The following NPAS3 variants were observed in gnomAD, a reference collection of about 807,000 sequenced individuals.
The protein encoded by NPAS3 is neuronal PAS domain-containing protein 3.
In NPAS3, 14 loss-of-function variants were observed where a neutral mutation model predicts 73.1. That is an observed-to-expected ratio of 0.19 (90% CI 0.13 to 0.30). The LOEUF (loss-of-function observed/expected upper bound fraction) is 0.30. Among genes scored for constraint, NPAS3 ranks in the 10% least tolerant of loss-of-function variants. NPAS3 has a pLI of 1.00. For missense variants in NPAS3, 1,096 were observed against 1,250.0 expected, an observed-to-expected ratio of 0.88 and a Z score of 1.86; for synonymous variants, 620 against 541.5, an observed-to-expected ratio of 1.14 and a Z score of -2.01.
chr14:33,785,265 C>A (rs2063133796), intron 9 of NPAS3, among the ~76,000 whole-genome samples: 1 of 151,378 alleles, frequency 6.6e-6, no homozygotes, highest in African/African-American at 2.4e-5. Context: ...GAAACCCCAT[C>A]TCTACTAAAA....
At chr14:33,002,378 C>T (rs921753500) in intron 1 of NPAS3, among the ~76,000 whole-genome samples, 14 of 152,046 alleles carry the variant, frequency 9.2e-5, no homozygotes, top group Non-Finnish European at 1.3e-4. Context: ...TCATTTGATT[C>T]AAGAGGCAAT....
chr14:33,518,903 C>T (rs1460684990), intron 4 of NPAS3, among the ~76,000 whole-genome samples: 1 of 152,088 alleles, frequency 6.6e-6, no homozygotes. Context: ...TTTTCAGGGT[C>T]TAGCCAATAG....
chr14:33,696,417 G>A (rs144106007), intron 6 of NPAS3, among the ~76,000 whole-genome samples: 177 of 152,262 alleles, frequency 1.2e-3, no homozygotes, highest in African/African-American at 3.9e-3. Flanking sequence ...TATTCACATG[G>A]TTATTGGGCC....
intron 5 of NPAS3, among the ~76,000 whole-genome samples, chr14:33,572,891 C>T (rs972613341): frequency 4.1e-4 from 63 of 151,816 alleles, no homozygotes; most frequent in African/African-American, 1.5e-3. Context: ...GGTGTGGTGG[C>T]GGGTGCCTGT....
intron 2 of NPAS3, among the ~76,000 whole-genome samples, chr14:33,106,022 T>C (rs1247648046): frequency 6.6e-6 from 1 of 152,174 alleles, no homozygotes; most frequent in Non-Finnish European, 1.5e-5. Flanking sequence ...CAACCAAACA[T>C]GAATACCAGC....
chr14:33,454,959 A>G (rs1442313921), intron 4 of NPAS3, among the ~76,000 whole-genome samples: 2 of 152,144 alleles, frequency 1.3e-5, no homozygotes, highest in Non-Finnish European at 2.9e-5. Context: ...ATGGAGCTGG[A>G]GCAAGACCTG....
chr14:33,596,033 A>G (rs1415877853), intron 5 of NPAS3, among the ~76,000 whole-genome samples: 1 of 152,208 alleles, frequency 6.6e-6, no homozygotes, highest in Non-Finnish European at 1.5e-5. Context: ...GTCGGTACCA[A>G]TGTAGAAGTC....
intron 2 of NPAS3, among the ~76,000 whole-genome samples, chr14:33,188,924 G>T (rs1043306456): frequency 3.9e-5 from 6 of 152,208 alleles, no homozygotes; most frequent in Non-Finnish European, 8.8e-5. Context: ...ATTTAAATAA[G>T]TCAGTGGTAA....
intron 2 of NPAS3, among the ~76,000 whole-genome samples, chr14:33,087,516 A>T (rs1157691770): frequency 6.6e-6 from 1 of 152,122 alleles, no homozygotes; most frequent in Non-Finnish European, 1.5e-5. Context: ...AAATAGATTC[A>T]TGTTTATCAA....
intron 2 of NPAS3, among the ~76,000 whole-genome samples, chr14:33,123,218 A>G (rs1324822220): frequency 3.3e-5 from 5 of 152,134 alleles, no homozygotes; most frequent in African/African-American, 1.2e-4. Context: ...ACTTTAGATT[A>G]TCATGTTTAG....
At chr14:33,543,294 CA>C (rs2054604793) in intron 4 of NPAS3, among the ~76,000 whole-genome samples, 1 of 152,190 alleles carries the variant, frequency 6.6e-6, no homozygotes, top group Admixed American at 6.5e-5. Flanking sequence ...AATCCAGAAT[CA>C]GTATAAACCC....
chr14:33,474,168 C>T (rs1227963208), intron 4 of NPAS3, among the ~76,000 whole-genome samples: 1 of 151,908 alleles, frequency 6.6e-6, no homozygotes, highest in Non-Finnish European at 1.5e-5. Flanking sequence ...AACTTTGGAT[C>T]GATTAGTCTG....
chr14:33,656,292 A>G (rs1567094757), intron 5 of NPAS3, among the ~76,000 whole-genome samples: 1 of 152,098 alleles, frequency 6.6e-6, no homozygotes, highest in Non-Finnish European at 1.5e-5. Flanking sequence ...GTGGGTAATG[A>G]TTGTTGTTGT....
chr14:33,222,024 T>A (rs1389764632), intron 3 of NPAS3, among the ~76,000 whole-genome samples: 1 of 152,150 alleles, frequency 6.6e-6, no homozygotes, highest in Non-Finnish European at 1.5e-5. Flanking sequence ...TTAGGTTCGA[T>A]GAAGAATGGA....
intron 2 of NPAS3, among the ~76,000 whole-genome samples, chr14:33,147,730 A>AAAAAATATATATATATATATATATAT (rs372663411): frequency 1.2e-4 from 16 of 130,340 alleles, no homozygotes; most frequent in African/African-American, 4.5e-4. Context: ...TAGAATAAAA[A>AAAAAATATATATATATATATATATAT]ATATATATAT....
At chr14:33,394,354 G>T (rs548404228) in intron 4 of NPAS3, among the ~76,000 whole-genome samples, 1 of 152,112 alleles carries the variant, frequency 6.6e-6, no homozygotes, top group Non-Finnish European at 1.5e-5. Context: ...AAGGGGCACG[G>T]TATATATTTC....
chr14:33,474,322 C>T (rs2050920645), intron 4 of NPAS3, among the ~76,000 whole-genome samples: 1 of 152,010 alleles, frequency 6.6e-6, no homozygotes, highest in Non-Finnish European at 1.5e-5. Context: ...ATTACATGAT[C>T]ATTATAAAGA....
intron 3 of NPAS3, among the ~76,000 whole-genome samples, chr14:33,354,958 A>G (rs1413023118): frequency 2.0e-5 from 3 of 152,148 alleles, no homozygotes; most frequent in Non-Finnish European, 4.4e-5. Flanking sequence ...CTCAGGTGAT[A>G]TAGCACACAC....
At chr14:33,102,429 C>T (rs1179009753) in intron 2 of NPAS3, among the ~76,000 whole-genome samples, 1 of 152,136 alleles carries the variant, frequency 6.6e-6, no homozygotes, top group African/African-American at 2.4e-5. Flanking sequence ...TCTTTGCTTA[C>T]TATTTAGAAC....
Sources: gnomAD v4.1 joint callset for allele counts (sites outside exome capture counted in the v4.1 genomes callset) on GRCh38, gnomAD v4.1.1 for gene constraint, MANE v1.5 for transcripts, NCBI Gene and HGNC (gene_info 2026-07-23, HGNC 2026-07-21) for gene names.